The following TRAPPC9 variants were observed in gnomAD, a reference collection of about 807,000 sequenced individuals.
TRAPPC9 encodes IKK2 binding protein.
TRAPPC9 carries 83 observed loss-of-function variants against 124.0 expected under a neutral mutation model. The ratio of observed to expected loss-of-function variants is 0.67; its 90% CI spans 0.56 to 0.80. The LOEUF (loss-of-function observed/expected upper bound fraction) is 0.80, where lower values mean the gene tolerates loss of function less well. Ranked by LOEUF, TRAPPC9 falls within the 30% of genes least tolerant of loss-of-function variation. The pLI is 0.00. For synonymous variants in TRAPPC9, 638 were observed against 617.5 expected (o/e 1.03, Z -0.49); for missense variants, 1,302 against 1,508.3 (o/e 0.86, Z 2.27).
At chr8:139,754,956 T>C (rs973098899) in intron 21 of TRAPPC9, among the ~76,000 whole-genome samples, 1 of 152,230 alleles carries the variant, frequency 6.6e-6, no homozygotes, top group African/African-American at 2.4e-5. Flanking sequence ...CCCCAGGAGC[T>C]GTGCGGCACA....
chr8:140,097,126 G>C lies in TRAPPC9; in HGVS notation c.2557-73047C>G, dbSNP rs1010031695. 1 of 152,288 alleles carries C rather than the reference G, an allele frequency of 6.6e-6. No homozygotes were observed. Among genetic ancestry groups the C allele is most frequent in the Non-Finnish European group, 1.5e-5 (1 of 68,096 alleles). 9.4% of individuals were successfully genotyped at this position (152,288 alleles called of 1,614,324 possible). On this transcript the variant is annotated intron_variant, in intron 17 of 22. Coordinates refer to ENST00000438773, the MANE Select transcript of TRAPPC9 (RefSeq NM_001160372.4). The surrounding 1 kb of genome is among the most constrained non-coding windows in gnomAD (Gnocchi z 4.2). ...AGAAGGGGAGGGACCTCCTCTACCCGGCTCCAGGTCTGGTTCTCGTGCACT... is the reference window on the plus strand; with the variant it reads ...AGAAGGGGAGGGACCTCCTCTACCCCGCTCCAGGTCTGGTTCTCGTGCACT...
chr8:140,179,254 A>G (rs562702708), intron 17 of TRAPPC9, among the ~76,000 whole-genome samples: 9 of 152,274 alleles, frequency 5.9e-5, no homozygotes, highest in African/African-American at 2.2e-4. Context: ...TTGCATCCAG[A>G]AATTATGAAA....
At chr8:140,272,230 A>T (rs1396533145) in intron 15 of TRAPPC9, among the ~76,000 whole-genome samples, 2 of 47,552 alleles carry the variant, frequency 4.2e-5, no homozygotes, top group South Asian at 6.8e-4. Context: ...TTGTGTTGAT[A>T]GTGGTAGTGG....
At chr8:140,068,379 T>C (rs932665399) in intron 17 of TRAPPC9, among the ~76,000 whole-genome samples, 3 of 152,016 alleles carry the variant, frequency 2.0e-5, no homozygotes, top group Non-Finnish European at 4.4e-5. Flanking sequence ...AGAAGACCAA[T>C]TAGACTTGCA....
intron 17 of TRAPPC9, among the ~76,000 whole-genome samples, chr8:140,123,506 C>T (rs1403456414): frequency 6.6e-6 from 1 of 152,174 alleles, no homozygotes; most frequent in Non-Finnish European, 1.5e-5. Context: ...CCCGGCCACA[C>T]CCACTCTGCC....
intron 15 of TRAPPC9, among the ~76,000 whole-genome samples, chr8:140,256,181 AAC>A (rs1278684621): frequency 1.3e-5 from 2 of 152,246 alleles, no homozygotes; most frequent in Non-Finnish European, 2.9e-5. Flanking sequence ...AACCCGCTTC[AAC>A]ACACAACATT....
chr8:140,438,145 G>A (rs549745513), intron 3 of TRAPPC9, among the ~76,000 whole-genome samples: 3 of 152,178 alleles, frequency 2.0e-5, no homozygotes, highest in Admixed American at 6.5e-5. Flanking sequence ...CCTTATGCCC[G>A]TTAACTGTCA....
At chr8:140,326,740 G>C (rs1287499729) in intron 9 of TRAPPC9, among the ~76,000 whole-genome samples, 1 of 152,138 alleles carries the variant, frequency 6.6e-6, no homozygotes, top group Non-Finnish European at 1.5e-5. Flanking sequence ...AATTAGCTGG[G>C]CGTAATGGCA....
rs1027592416 is a variant in TRAPPC9 at position 139,742,010 on chromosome 8, G to T, written c.3056-9808C>A. ...TGGAGAAGATTTTGTGTGGACACAG[G>T]TTATTATTTCTCATGGGTGTACACC... On this transcript the variant is annotated intron_variant, in intron 21 of 22. Transcript: ENST00000438773. The surrounding 1 kb of genome is among the most constrained non-coding windows in gnomAD (Gnocchi z 4.7). 6.6e-6 allele frequency among the ~76,000 whole-genome samples: 1 copy of T among 152,212 alleles called. No individual in the cohort carries two copies. The highest frequency in any genetic ancestry group is 2.4e-5 in the African/African-American group (1 of 41,458).
At chr8:139,878,383 T>C (rs1284557124) in intron 21 of TRAPPC9, among the ~76,000 whole-genome samples, 1 of 152,172 alleles carries the variant, frequency 6.6e-6, no homozygotes, top group Non-Finnish European at 1.5e-5. Context: ...AAAGGCTGTT[T>C]TTTTATCTAT....
chr8:139,993,783 G>GAT (rs1380107442), intron 18 of TRAPPC9, among the ~76,000 whole-genome samples: 1 of 151,894 alleles, frequency 6.6e-6, no homozygotes, highest in Non-Finnish European at 1.5e-5. Flanking sequence ...AGTTGCAGAA[G>GAT]ATATACAATA....
intron 21 of TRAPPC9, among the ~76,000 whole-genome samples, chr8:139,840,468 GA>G (rs1445871092): frequency 1.3e-5 from 2 of 152,362 alleles, no homozygotes; most frequent in East Asian, 3.9e-4. Flanking sequence ...ACGGGGCCTG[GA>G]AGGAGGCAAA....
intron 21 of TRAPPC9, among the ~76,000 whole-genome samples, chr8:139,877,746 G>A (rs1829414714): frequency 6.6e-6 from 1 of 152,102 alleles, no homozygotes. Context: ...CTCCAAGCCT[G>A]AGGAACATGA....
intron 21 of TRAPPC9, among the ~76,000 whole-genome samples, chr8:139,779,846 T>C (rs184424028): frequency 1.3e-5 from 2 of 152,262 alleles, no homozygotes; most frequent in East Asian, 1.9e-4. Flanking sequence ...AAGGTTAATA[T>C]ACAAAAGTCA....
At chr8:140,452,807 C>A (rs2071514951) in intron 1 of TRAPPC9, among the ~76,000 whole-genome samples, 1 of 152,190 alleles carries the variant, frequency 6.6e-6, no homozygotes, top group African/African-American at 2.4e-5. Context: ...AATCCCACTG[C>A]CTGGAAGTCA....
intron 20 of TRAPPC9, among the ~76,000 whole-genome samples, chr8:139,897,701 A>C (rs1430896559): frequency 6.6e-6 from 1 of 152,250 alleles, no homozygotes; most frequent in African/African-American, 2.4e-5. Context: ...GGGTAGATTC[A>C]AACTCACCCC....
chr8:139,868,027 T>C (rs893985912), intron 21 of TRAPPC9, among the ~76,000 whole-genome samples: 5 of 152,170 alleles, frequency 3.3e-5, no homozygotes, highest in African/African-American at 1.2e-4. Flanking sequence ...ACATTAATAA[T>C]TTGGAGGTGT....
chr8:139,959,001 G>A lies in TRAPPC9; in HGVS notation c.2810+29725C>T, dbSNP rs1554680769. On this transcript the variant is annotated intron_variant, in intron 19 of 22. Transcript: ENST00000438773. ...GTCACACGGGGGAGCACTGCATTCC[G>A]AGTCACACGGGGGAGGCCTGCATTC... 4.7e-5 allele frequency among the ~76,000 whole-genome samples: 7 copies of A among 150,490 alleles called. No homozygotes were observed. In the South Asian group the frequency reaches 6.3e-4, roughly 14 times the overall value.
At chr8:139,892,607 G>A (rs543829565) in intron 20 of TRAPPC9, among the ~76,000 whole-genome samples, 22 of 152,302 alleles carry the variant, frequency 1.4e-4, no homozygotes, top group African/African-American at 5.3e-4. Context: ...AGGCACCCAC[G>A]GTTTATTTTC....
Sources: gnomAD v4.1 joint callset for allele counts (sites outside exome capture counted in the v4.1 genomes callset) on GRCh38, gnomAD v4.1.1 for gene constraint, Gnocchi (gnomAD v3.1) non-coding constraint, MANE v1.5 for transcripts, NCBI Gene and HGNC (gene_info 2026-07-23, HGNC 2026-07-21) for gene names.